The following KCNQ5 variants were observed in gnomAD, a reference collection of about 807,000 sequenced individuals.
KCNQ5 encodes potassium voltage-gated channel subfamily Q member 5, also known as potassium voltage-gated channel subfamily KQT member 5.
KCNQ5 carries 30 observed loss-of-function variants against 98.2 expected under a neutral mutation model. The observed-to-expected ratio is 0.31, with a 90% CI of 0.23 to 0.41. The LOEUF is 0.41. Ranked by LOEUF, KCNQ5 falls within the 10% of genes least tolerant of loss-of-function variation. The pLI is 1.00. For missense variants in KCNQ5, 835 were observed against 1,182.5 expected, an observed-to-expected ratio of 0.71 and a Z score of 4.31; for synonymous variants, 458 against 449.4, an observed-to-expected ratio of 1.02 and a Z score of -0.24.
chr6:72,828,360 C>T (rs1279460970), intron 1 of KCNQ5, among the ~76,000 whole-genome samples: 1 of 151,878 alleles, frequency 6.6e-6, no homozygotes, highest in Non-Finnish European at 1.5e-5. Flanking sequence ...TAATCCATGA[C>T]CATAGGATCT....
intron 6 of KCNQ5, among the ~76,000 whole-genome samples, chr6:73,106,383 T>C (rs1775002081): frequency 6.6e-6 from 1 of 152,230 alleles, no homozygotes; most frequent in Admixed American, 6.5e-5. Context: ...ACTAACTATA[T>C]GACTGCTTTA....
intron 3 of KCNQ5, among the ~76,000 whole-genome samples, chr6:73,058,547 G>T (rs943707734): frequency 1.3e-5 from 2 of 152,186 alleles, no homozygotes; most frequent in African/African-American, 4.8e-5. Flanking sequence ...GACTAATTTT[G>T]TCAATTAAAC....
At chr6:72,829,575 C>A (rs577010054) in intron 1 of KCNQ5, among the ~76,000 whole-genome samples, 1 of 152,136 alleles carries the variant, frequency 6.6e-6, no homozygotes, top group Non-Finnish European at 1.5e-5. Context: ...AGGCACAGTG[C>A]GAATAACTCT....
chr6:72,917,952 T>C (rs1156600703), intron 1 of KCNQ5, among the ~76,000 whole-genome samples: 1 of 152,168 alleles, frequency 6.6e-6, no homozygotes, highest in Non-Finnish European at 1.5e-5. Context: ...TCCTGTGTCT[T>C]GTAGGATGTT....
intron 1 of KCNQ5, among the ~76,000 whole-genome samples, chr6:72,652,304 T>G (rs1765918041): frequency 6.6e-6 from 1 of 152,076 alleles, no homozygotes; most frequent in South Asian, 2.1e-4. Context: ...AGTTAGATGT[T>G]TCAGAAGATG....
chr6:72,718,482 C>T (rs1421950884), intron 1 of KCNQ5, among the ~76,000 whole-genome samples: 1 of 126,018 alleles, frequency 7.9e-6, no homozygotes, highest in Non-Finnish European at 1.6e-5. Context: ...GACAGAGTCT[C>T]GCTCTGTCGC....
intron 1 of KCNQ5, among the ~76,000 whole-genome samples, chr6:72,891,374 G>A (rs1779051467): frequency 6.6e-6 from 1 of 152,288 alleles, no homozygotes; most frequent in Non-Finnish European, 1.5e-5. Context: ...CTCAAAAAGT[G>A]TCAATTCAGA....
At chr6:73,175,399 C>A (rs538356427) in intron 11 of KCNQ5, among the ~76,000 whole-genome samples, 43 of 152,092 alleles carry the variant, frequency 2.8e-4, no homozygotes, top group Non-Finnish European at 4.3e-4. Context: ...ATCTGCCCCC[C>A]CCTTGGCTTC....
At chr6:72,889,507 T>G (rs543094677) in intron 1 of KCNQ5, among the ~76,000 whole-genome samples, 2 of 152,114 alleles carry the variant, frequency 1.3e-5, no homozygotes, top group Non-Finnish European at 2.9e-5. Flanking sequence ...AGGTATAAAA[T>G]GAAGCAGTAC....
At chr6:73,012,560 G>C (rs1246441787) in intron 2 of KCNQ5, among the ~76,000 whole-genome samples, 1 of 152,042 alleles carries the variant, frequency 6.6e-6, no homozygotes, top group East Asian at 1.9e-4. Flanking sequence ...GGATGGTTCT[G>C]TAACATTACG....
intron 9 of KCNQ5, 68 bp downstream of exon 9, chr6:73,124,580 T>A (rs755412026): frequency 1.1e-4 from 153 of 1,377,578 alleles, no homozygotes; most frequent in Non-Finnish European, 1.5e-4. Flanking sequence ...TTTAAATGTG[T>A]CTCATGTGAG....
intron 10 of KCNQ5, among the ~76,000 whole-genome samples, chr6:73,153,861 C>A (rs1777247424): frequency 6.7e-6 from 1 of 149,918 alleles, no homozygotes; most frequent in Non-Finnish European, 1.5e-5. Context: ...AATCCCAGTG[C>A]TAAGTTATGC....
chr6:73,088,025 T>C (rs9442883), intron 5 of KCNQ5, among the ~76,000 whole-genome samples: 7,599 of 147,166 alleles, frequency 0.052, 262 homozygotes, highest in African/African-American at 0.1. Flanking sequence ...CTCTCTCTCT[T>C]TTTTTTTTTT....
intron 1 of KCNQ5, among the ~76,000 whole-genome samples, chr6:72,707,705 T>C (rs1769160465): frequency 6.6e-6 from 1 of 152,182 alleles, no homozygotes; most frequent in African/African-American, 2.4e-5. Flanking sequence ...TGTTTAACCA[T>C]TCATCAGACA....
intron 12 of KCNQ5, 107 bp downstream of exon 12, chr6:73,190,811 T>C (rs1765565665): frequency 3.1e-6 from 2 of 643,856 alleles, no homozygotes; most frequent in African/African-American, 1.9e-5. Context: ...TTTTCATTCA[T>C]TTTTAGTGGG....
At chr6:72,681,427 G>C (rs771495402) in intron 1 of KCNQ5, among the ~76,000 whole-genome samples, 1 of 152,196 alleles carries the variant, frequency 6.6e-6, no homozygotes, top group Non-Finnish European at 1.5e-5. Context: ...GGCAAGAGAA[G>C]TATGCCACTG....
intron 1 of KCNQ5, among the ~76,000 whole-genome samples, chr6:72,737,150 G>A (rs1332556108): frequency 6.6e-6 from 1 of 152,056 alleles, no homozygotes; most frequent in East Asian, 1.9e-4. Flanking sequence ...TAGTAGAGGC[G>A]GGATTTCACC....
chr6:72,753,822 G>C (rs1230232960), intron 1 of KCNQ5, among the ~76,000 whole-genome samples: 7 of 152,024 alleles, frequency 4.6e-5, no homozygotes, highest in Admixed American at 4.6e-4. Flanking sequence ...TATGAATTCA[G>C]GATGGAAGTT....
chr6:73,152,740 T>C (rs1165519363), intron 10 of KCNQ5, among the ~76,000 whole-genome samples: 1 of 152,202 alleles, frequency 6.6e-6, no homozygotes, highest in Non-Finnish European at 1.5e-5. Flanking sequence ...ATCTTCACCA[T>C]AGGTTGACCT....
Sources: gnomAD v4.1 joint callset for allele counts (sites outside exome capture counted in the v4.1 genomes callset) on GRCh38, gnomAD v4.1.1 for gene constraint, MANE v1.5 for transcripts, NCBI Gene and HGNC (gene_info 2026-07-23, HGNC 2026-07-21) for gene names.